The following COLEC10 variants were observed in gnomAD, a reference collection of about 807,000 sequenced individuals.
The protein encoded by COLEC10 is collectin subfamily member 10, also known as collectin-10.
COLEC10 carries 22 observed loss-of-function variants against 28.4 expected under a neutral mutation model. That is an observed-to-expected ratio of 0.78 (90% confidence interval 0.55 to 1.11). The LOEUF is 1.11. Among genes scored for constraint, COLEC10 ranks in the 50% least tolerant of loss-of-function variants. The probability of loss-of-function intolerance (pLI) is 0.00; values close to 1 mark genes in which losing one functional copy is unlikely to be tolerated. For synonymous variants in COLEC10, 125 were observed against 116.1 expected, an observed-to-expected ratio of 1.08 and a Z score of -0.49; for missense variants, 361 against 344.1, an observed-to-expected ratio of 1.05 and a Z score of -0.39.
chr8:118,995,670 G>A (rs1263097368), intron 1 of COLEC10: 1 of 152,034 alleles, frequency 6.6e-6, no homozygotes, highest in African/African-American at 2.4e-5. Flanking sequence ...GTGGGATATA[G>A]CCCACCCCTT....
the COLEC10 span, among the ~76,000 whole-genome samples, chr8:118,980,514 G>T: frequency 6.6e-6 from 1 of 151,822 alleles, no homozygotes; most frequent in South Asian, 2.1e-4. Flanking sequence ...TCTTTAAGCT[G>T]TAGTCTTATT....
the COLEC10 span, among the ~76,000 whole-genome samples, chr8:118,986,363 A>C: frequency 6.6e-6 from 1 of 152,168 alleles, no homozygotes; most frequent in East Asian, 1.9e-4. Context: ...AAGAGTTATA[A>C]ATTGAATTGA....
chr8:118,993,937 A>G (rs947200458), upstream of COLEC10, among the ~76,000 whole-genome samples: 1 of 152,196 alleles, frequency 6.6e-6, no homozygotes, highest in Non-Finnish European at 1.5e-5. Context: ...ATATTGATTC[A>G]GTAGACCAAG....
intron 2 of COLEC10, among the ~76,000 whole-genome samples, chr8:119,041,580 C>A (rs1346156884): frequency 6.6e-6 from 1 of 152,074 alleles, no homozygotes; most frequent in Admixed American, 6.6e-5. Flanking sequence ...TTTTGCACCT[C>A]ATTTTGTGTG....
At chr8:119,008,660 A>G (rs1813850391) in intron 1 of COLEC10, among the ~76,000 whole-genome samples, 1 of 150,484 alleles carries the variant, frequency 6.6e-6, no homozygotes, top group Non-Finnish European at 1.5e-5. Flanking sequence ...ACATTAAAGC[A>G]ATCGTGTGTG....
At chr8:119,100,776 C>T (rs1414192906) in intron 3 of COLEC10, among the ~76,000 whole-genome samples, 2 of 152,156 alleles carry the variant, frequency 1.3e-5, no homozygotes, top group African/African-American at 2.4e-5. Flanking sequence ...TAGATTTCAC[C>T]GTTGTCTCAT....
chr8:119,070,579 T>TTC (rs1563734257), intron 1 of COLEC10, among the ~76,000 whole-genome samples: 1 of 17,736 alleles, frequency 5.6e-5, no homozygotes, highest in South Asian at 1.7e-3. Flanking sequence ...CCCCCACCCC[T>TTC]TCTCTCTCTC....
chr8:119,054,155 AG>A, intron 2 of COLEC10, among the ~76,000 whole-genome samples: 1 of 152,222 alleles, frequency 6.6e-6, no homozygotes, highest in African/African-American at 2.4e-5. Flanking sequence ...TGGACAAAGG[AG>A]GGATTCATGT....
chr8:118,991,246 C>A (rs1813501442), upstream of COLEC10, among the ~76,000 whole-genome samples: 1 of 152,090 alleles, frequency 6.6e-6, no homozygotes, highest in Admixed American at 6.6e-5. Context: ...ATCCTACCTG[C>A]AACACTTACT....
rs1815352152 is a variant in COLEC10 at position 119,080,764 on chromosome 8, T to C, written c.149-8916T>C. 2.0e-5 allele frequency among the ~76,000 whole-genome samples: 3 copies of C among 152,068 alleles called. No homozygotes were observed. The South Asian group carries it at 6.2e-4, about 32-fold the overall frequency. On this transcript the variant is annotated intron_variant, in intron 1 of 5. Transcript: ENST00000332843. ...ACCCTTCCCTCTCTGAACCCTCTTCTCCCCCGTAGACATCATTAATAGCTT... is the reference window on the plus strand; with the variant it reads ...ACCCTTCCCTCTCTGAACCCTCTTCCCCCCCGTAGACATCATTAATAGCTT...
the COLEC10 span, among the ~76,000 whole-genome samples, chr8:118,970,213 A>G: frequency 6.6e-6 from 1 of 152,078 alleles, no homozygotes; most frequent in African/African-American, 2.4e-5. Flanking sequence ...TTTAATAAGT[A>G]GCCATAATCC....
intron 2 of COLEC10, among the ~76,000 whole-genome samples, chr8:119,044,916 C>T (rs1034802840): frequency 6.6e-6 from 1 of 151,238 alleles, no homozygotes; most frequent in Non-Finnish European, 1.5e-5. Context: ...TGTCTTAAGG[C>T]GAGTTGGTAT....
intron 1 of COLEC10, among the ~76,000 whole-genome samples, chr8:119,001,627 G>A (rs775867564): frequency 2.0e-5 from 3 of 152,066 alleles, no homozygotes; most frequent in Non-Finnish European, 4.4e-5. Flanking sequence ...GGCCCTCCAA[G>A]GCTTATGGAT....
At chr8:118,992,415 G>A (rs1813518177), upstream of COLEC10, among the ~76,000 whole-genome samples, 1 of 152,108 alleles carries the variant, frequency 6.6e-6, no homozygotes, top group Non-Finnish European at 1.5e-5. Context: ...CAGTAAAATG[G>A]TTGGCAGGAC....
At chr8:118,985,797 G>A in the COLEC10 span, among the ~76,000 whole-genome samples, 280 of 152,208 alleles carry the variant, frequency 1.8e-3, 1 homozygote, top group Admixed American at 2.2e-3. Context: ...CACATTCCAG[G>A]TGGAAGAGGA....
At chr8:118,972,757 A>G in the COLEC10 span, among the ~76,000 whole-genome samples, 2 of 151,544 alleles carry the variant, frequency 1.3e-5, no homozygotes, top group Non-Finnish European at 2.9e-5. Context: ...CTGTACCCCT[A>G]CTCCAGGTGT....
chr8:118,957,810 T>C, the COLEC10 span, among the ~76,000 whole-genome samples: 1 of 152,176 alleles, frequency 6.6e-6, no homozygotes, highest in Non-Finnish European at 1.5e-5. Flanking sequence ...GAGCTCATTT[T>C]ACCACCATTA....
At chr8:119,061,573 T>C (rs1185224129) in intron 2 of COLEC10, among the ~76,000 whole-genome samples, 1 of 152,100 alleles carries the variant, frequency 6.6e-6, no homozygotes, top group East Asian at 1.9e-4. Flanking sequence ...AATATCTTTA[T>C]ACCTCAGGGT....
intron 3 of COLEC10, among the ~76,000 whole-genome samples, chr8:119,099,121 C>T (rs1217523583): frequency 6.6e-6 from 1 of 152,004 alleles, no homozygotes; most frequent in African/African-American, 2.4e-5. Context: ...ACGCTGAAAG[C>T]ATTATGATTT....
Sources: gnomAD v4.1 joint callset for allele counts (sites outside exome capture counted in the v4.1 genomes callset) on GRCh38, gnomAD v4.1.1 for gene constraint, MANE v1.5 for transcripts, NCBI Gene and HGNC (gene_info 2026-07-23, HGNC 2026-07-21) for gene names.